The following SCMH1 variants were observed in gnomAD, a reference collection of about 807,000 sequenced individuals.
SCMH1 encodes the protein Scm polycomb group protein homolog 1, also known as polycomb protein SCMH1.
A neutral mutation model predicts 70.8 loss-of-function variants in SCMH1; 37 were observed. The ratio of observed to expected loss-of-function variants is 0.52; its 90% CI spans 0.40 to 0.69. The LOEUF is 0.69. Among genes scored for constraint, SCMH1 ranks in the 30% least tolerant of loss-of-function variants. The pLI is 0.00. For missense variants in SCMH1, 607 were observed against 827.3 expected (o/e 0.73, Z 3.27); for synonymous variants, 292 against 307.4 (o/e 0.95, Z 0.52).
At chr1:41,039,570 C>G (rs1645816504) in intron 12 of SCMH1, among the ~76,000 whole-genome samples, 1 of 151,932 alleles carries the variant, frequency 6.6e-6, no homozygotes, top group African/African-American at 2.4e-5. Context: ...ACCTCCACCT[C>G]CTGGGTTCAA....
At chr1:41,174,545 T>C (rs946490520) in intron 2 of SCMH1, among the ~76,000 whole-genome samples, 9 of 152,074 alleles carry the variant, frequency 5.9e-5, no homozygotes, top group African/African-American at 2.2e-4. Flanking sequence ...GGCCAAACCT[T>C]TGGGTCACCC....
intron 8 of SCMH1, among the ~76,000 whole-genome samples, chr1:41,084,871 G>C (rs1207581651): frequency 6.6e-6 from 1 of 150,624 alleles, no homozygotes; most frequent in Non-Finnish European, 1.5e-5. Context: ...GTAAACTATC[G>C]CAAGAACAAA....
chr1:41,157,894 T>C (rs913657617), intron 4 of SCMH1, among the ~76,000 whole-genome samples: 7 of 152,236 alleles, frequency 4.6e-5, no homozygotes, highest in African/African-American at 1.7e-4. Flanking sequence ...GGGGCTTATA[T>C]TCATTTTTAA....
rs1016991559 is a variant in SCMH1 at position 41,037,246 on chromosome 1, C to A, written c.1678+116G>T. ...CACAAGAGTAAGTCCAGTCCCTAGT[C>A]CCACCACCAGGCAGAGGGCAACAGA... is the stretch of plus-strand genomic sequence containing the variant. On this transcript the variant is annotated intron_variant, in intron 13 of 14. Transcript: ENST00000337495. 4 of 1,042,382 alleles carry A rather than the reference C, an allele frequency of 3.8e-6. No individual in the cohort carries two copies. In the African/African-American group the frequency reaches 4.8e-5, roughly 12 times the overall value. The allele number at this position is 1,042,382 out of a possible 1,614,324, so 64.6% of individuals were successfully genotyped here. A position where few individuals can be genotyped will look rare whatever the true frequency, so the allele number is the denominator to read the frequency against.
rs559645921 is a variant in SCMH1 at position 41,041,190 on chromosome 1, T to C, written c.1499-3649A>G. On this transcript the variant is annotated intron_variant, in intron 12 of 14. Transcript: ENST00000337495. ...TACACCAACGCAGGACCCAAAGACA[T>C]AGCATAGTCCTTGTGCATGTTTACA... The C allele has an allele frequency of 3.3e-5, 5 of 152,074 alleles. No homozygotes were observed. In the South Asian group the frequency reaches 6.2e-4, roughly 19 times the overall value. The allele number at this position is 152,074 out of a possible 1,614,324, so 9.4% of individuals were successfully genotyped here. A position where few individuals can be genotyped will look rare whatever the true frequency, so the allele number is the denominator to read the frequency against.
intron 9 of SCMH1, among the ~76,000 whole-genome samples, chr1:41,072,955 G>A (rs979107670): frequency 2.0e-5 from 3 of 152,154 alleles, no homozygotes; most frequent in Admixed American, 6.5e-5. Context: ...AAAAGAGCAC[G>A]AAGGAGAATT....
rs1468885817 is a variant in SCMH1, at chr1:41,075,168, G to T, written c.978+51C>A. On this transcript the variant is annotated intron_variant, in intron 9 of 14. Transcript: ENST00000337495. ...CGTGAGCCACGGCGCCTGGCCGAAT[G>T]ACCCCTTTATAAACCCTTATTCCTT... 4 of 1,573,362 alleles carry T rather than the reference G, an allele frequency of 2.5e-6. No homozygotes were observed. In the South Asian group the frequency reaches 3.3e-5, roughly 13 times the overall value.
At chr1:41,052,523 G>A (rs748351150) in intron 10 of SCMH1, among the ~76,000 whole-genome samples, 4 of 152,164 alleles carry the variant, frequency 2.6e-5, no homozygotes, top group Non-Finnish European at 4.4e-5. Flanking sequence ...GTTGAAGATC[G>A]ATGTACTATG....
intron 1 of SCMH1, among the ~76,000 whole-genome samples, chr1:41,239,754 C>T (rs1663124498): frequency 6.6e-6 from 1 of 152,212 alleles, no homozygotes; most frequent in Non-Finnish European, 1.5e-5. Context: ...CCTCAGCCTC[C>T]TGAGTAGCTG....
intron 1 of SCMH1, among the ~76,000 whole-genome samples, chr1:41,213,327 A>G (rs890833424): frequency 4.6e-5 from 7 of 152,202 alleles, no homozygotes; most frequent in African/African-American, 1.7e-4. Flanking sequence ...GTTTTTCATT[A>G]TAAACCCTTT....
intron 10 of SCMH1, among the ~76,000 whole-genome samples, chr1:41,062,092 C>T (rs1235259457): frequency 6.6e-6 from 1 of 152,018 alleles, no homozygotes; most frequent in Non-Finnish European, 1.5e-5. Flanking sequence ...TCTCAAACTC[C>T]TGAGCTCAAG....
At chr1:41,051,214 CAT>C (rs1648002986) in intron 10 of SCMH1, among the ~76,000 whole-genome samples, 1 of 152,136 alleles carries the variant, frequency 6.6e-6, no homozygotes, top group Non-Finnish European at 1.5e-5. Context: ...AATGTAAAGT[CAT>C]AGCACAATGC....
intron 6 of SCMH1, among the ~76,000 whole-genome samples, chr1:41,117,793 C>A (rs971022887): frequency 1.3e-5 from 2 of 152,214 alleles, no homozygotes; most frequent in Non-Finnish European, 2.9e-5. Context: ...GGCTGCCAGG[C>A]AGGGAAGGGC....
chr1:41,054,600 G>C (rs1032837694), intron 10 of SCMH1, among the ~76,000 whole-genome samples: 2 of 152,138 alleles, frequency 1.3e-5, no homozygotes, highest in African/African-American at 4.8e-5. Context: ...AGAATCTTAA[G>C]GGCAAGCCTC....
rs74071147 is a variant in SCMH1, at chr1:41,069,884, C to T, written c.1105+711G>A. 7.8e-3 allele frequency among the ~76,000 whole-genome samples: 1,192 copies of T among 152,308 alleles called. 16 individuals are homozygous for T. The highest frequency in any genetic ancestry group is 0.028 in the African/African-American group (1,144 of 41,546). On this transcript the variant is annotated intron_variant, in intron 10 of 14. Transcript: ENST00000337495. ...AGGATTTGATTAGAGACATAATCAA[C>T]TCCTTCTAAGAGAAAGACAACCCTA...
chr1:41,240,715 GT>G (rs1663330522), intron 1 of SCMH1, among the ~76,000 whole-genome samples: 1 of 149,578 alleles, frequency 6.7e-6, no homozygotes, highest in Non-Finnish European at 1.5e-5. Context: ...ATGTCTTTTA[GT>G]TTGTTTGAAC....
At chr1:41,028,464 T>C in intron 14 of SCMH1, 120 bp downstream of exon 15, 2 of 1,499,812 alleles carry the variant, frequency 1.3e-6, no homozygotes, top group African/African-American at 1.4e-5. Flanking sequence ...TGCTGAAGCC[T>C]ACCTGTTCTC....
intron 2 of SCMH1, chr1:41,162,923 T>A (rs1004519409): frequency 6.6e-6 from 1 of 152,392 alleles, no homozygotes; most frequent in Admixed American, 6.5e-5. Context: ...TACCTCATTC[T>A]TCCTGGTTGC....
rs761527984 is a variant in SCMH1, at chr1:41,151,597, T to C, written c.177+17A>G. On this transcript the variant is annotated intron_variant, in intron 5 of 14. Transcript: ENST00000337495. ...TGACTTATCTTCCACCTACTAAAGA[T>C]GTTGAAAATCAATTACCTGCTTGAA... 3.8e-6 allele frequency: 6 copies of C among 1,589,162 alleles called. No homozygotes were observed. The highest frequency in any genetic ancestry group is 5.2e-6 in the Non-Finnish European group (6 of 1,163,044).
Sources: gnomAD v4.1 joint callset for allele counts (sites outside exome capture counted in the v4.1 genomes callset) on GRCh38, gnomAD v4.1.1 for gene constraint, MANE v1.5 for transcripts, NCBI Gene and HGNC (gene_info 2026-07-23, HGNC 2026-07-21) for gene names.